STK24: variants seen among roughly 807,000 people sequenced by gnomAD.
STK24 encodes serine/threonine-protein kinase 24.
In STK24, 21 loss-of-function variants were observed where a neutral mutation model predicts 55.6. The observed-to-expected ratio is 0.38, with a 90% CI of 0.27 to 0.54. The LOEUF is 0.54. STK24 is among the 20% of genes least tolerant of loss of function. STK24 has a pLI of 0.79. For synonymous variants in STK24, 200 were observed against 215.2 expected (o/e 0.93, Z 0.62); for missense variants, 383 against 538.4 (o/e 0.71, Z 2.86).
chr13:98,453,164 A>T lies in STK24; in HGVS notation c.*9T>A. 1 of 1,613,808 alleles carries T rather than the reference A, an allele frequency of 6.2e-7. No homozygotes were observed. On this transcript the variant is annotated 3_prime_UTR_variant, in exon 11 of 11. Coordinates refer to ENST00000539966, the MANE Select transcript of STK24 (RefSeq NM_001032296.4). Reference sequence around the variant, plus strand: ...AAGGAAAAACAAAACCCCAAATGCCAAAGGAATTTCAGTGGGATGAAGTTC... The same window carrying T: ...AAGGAAAAACAAAACCCCAAATGCCTAAGGAATTTCAGTGGGATGAAGTTC...
chr13:98,525,374 G>C (rs1337062549), intron 1 of STK24, among the ~76,000 whole-genome samples: 2 of 152,200 alleles, frequency 1.3e-5, no homozygotes, highest in Non-Finnish European at 2.9e-5. Context: ...CAAGGCAGGA[G>C]AATCAGGACG....
rs2139203910 is a variant in STK24 at position 98,449,700 on chromosome 13, CA to C, written c.*3472del. On this transcript the variant is annotated 3_prime_UTR_variant, in exon 11 of 11. Transcript: ENST00000539966. ...CTTACAAGATGTACCAGACGGTTTC[CA>C]GTACTAACAAAGGGAATAAAAATAC... The C allele has an allele frequency of 6.6e-6, 1 of 152,072 alleles. No individual in the cohort carries two copies. Among genetic ancestry groups the C allele is most frequent in the South Asian group, 2.1e-4 (1 of 4,810 alleles). The allele number at this position is 152,072 out of a possible 1,614,324, so 9.4% of individuals were successfully genotyped here. A position where few individuals can be genotyped will look rare whatever the true frequency, so the allele number is the denominator to read the frequency against.
At chr13:98,492,070 CGTGCGCGT>C (rs974159138) in intron 2 of STK24, among the ~76,000 whole-genome samples, 3 of 76,726 alleles carry the variant, frequency 3.9e-5, no homozygotes, top group African/African-American at 5.2e-5. Flanking sequence ...CTTTAAAGTG[CGTGCGCGT>C]GTGTGTGTGT....
chr13:98,472,290 C>T (rs1381615180), intron 5 of STK24, among the ~76,000 whole-genome samples: 1 of 152,216 alleles, frequency 6.6e-6, no homozygotes, highest in Non-Finnish European at 1.5e-5. Context: ...CCTGGAAAGT[C>T]AATTTCACAT....
At chr13:98,522,106 A>G in intron 1 of STK24, 1 of 1,315,222 alleles carries the variant, frequency 7.6e-7, no homozygotes, top group Non-Finnish European at 9.7e-7. Context: ...TCCGGTCACC[A>G]GTGCTGCAAT....
chr13:98,520,785 C>T (rs997628172), intron 1 of STK24, among the ~76,000 whole-genome samples: 3 of 152,246 alleles, frequency 2.0e-5, no homozygotes, highest in African/African-American at 7.2e-5. Context: ...GTTTGCAGGC[C>T]TTACAGTGCT....
Position 98,446,915 on chromosome 13 carries a change from C to T in STK24, c.*6258G>A. The T allele has an allele frequency of 2.3e-6, 3 of 1,303,470 alleles. No homozygotes were observed. Among genetic ancestry groups the T allele is most frequent in the South Asian group, 2.6e-5 (2 of 77,092 alleles). The allele number at this position is 1,303,470 out of a possible 1,614,324, so 80.7% of individuals were successfully genotyped here. Reference sequence around the variant, plus strand: ...AAGTCAGCGAGTGAGATGGCCCCACCCTTCCCTGCCAACTAAGCGTTTAGA... The same window carrying T: ...AAGTCAGCGAGTGAGATGGCCCCACTCTTCCCTGCCAACTAAGCGTTTAGA... On this transcript the variant is annotated 3_prime_UTR_variant, in exon 11 of 11. Transcript: ENST00000539966.
At chr13:98,537,477 C>T (rs1896767104) in intron 1 of STK24, among the ~76,000 whole-genome samples, 1 of 152,194 alleles carries the variant, frequency 6.6e-6, no homozygotes, top group Admixed American at 6.5e-5. Flanking sequence ...GCTGAGGCCC[C>T]AGCCGCCAGC....
chr13:98,542,218 A>G (rs1896907977), intron 1 of STK24, among the ~76,000 whole-genome samples: 1 of 150,884 alleles, frequency 6.6e-6, no homozygotes, highest in Admixed American at 6.6e-5. Flanking sequence ...GCTGACTGAT[A>G]TGTCAGCCAT....
intron 1 of STK24, among the ~76,000 whole-genome samples, chr13:98,560,499 C>T (rs1897390018): frequency 6.6e-6 from 1 of 152,120 alleles, no homozygotes; most frequent in African/African-American, 2.4e-5. Context: ...AATCAACAGG[C>T]TGAAAAGAAA....
intron 1 of STK24, among the ~76,000 whole-genome samples, chr13:98,538,026 T>C (rs779687272): frequency 3.3e-5 from 5 of 152,028 alleles, no homozygotes; most frequent in Admixed American, 6.5e-5. Flanking sequence ...TAGATGTCAC[T>C]TGTAGCTTCC....
At chr13:98,529,335 GGCCCTCCCTCCCCCACA>G (rs1896518338) in intron 1 of STK24, among the ~76,000 whole-genome samples, 1 of 151,958 alleles carries the variant, frequency 6.6e-6, no homozygotes, top group African/African-American at 2.4e-5. Flanking sequence ...GTCACTGCCT[GGCCCTCCCTCCCCCACA>G]GCAGCAGCCT....
Position 98,451,579 on chromosome 13 carries a change from G to A in STK24, c.*1594C>T, listed in dbSNP as rs1385191469. On this transcript the variant is annotated 3_prime_UTR_variant, in exon 11 of 11. Coordinates refer to ENST00000539966, the MANE Select transcript of STK24 (RefSeq NM_001032296.4). ...TCAAGCATCTGTAGCTCAGGGCTCT[G>A]TCCCCTCCCTATAGCTTAGAGGCCA... 6.6e-6 allele frequency: 1 copy of A among 152,096 alleles called. No individual in the cohort carries two copies. Among genetic ancestry groups the A allele is most frequent in the Non-Finnish European group, 1.5e-5 (1 of 68,034 alleles). The allele number at this position is 152,096 out of a possible 1,614,324, so 9.4% of individuals were successfully genotyped here.
Position 98,449,206 on chromosome 13 carries a change from G to A in STK24, c.*3967C>T, listed in dbSNP as rs1893060532. 1 of 152,206 alleles carries A rather than the reference G, an allele frequency of 6.6e-6. No individual in the cohort carries two copies. Among genetic ancestry groups the A allele is most frequent in the Non-Finnish European group, 1.5e-5 (1 of 68,058 alleles). The allele number at this position is 152,206 out of a possible 1,614,324, so 9.4% of individuals were successfully genotyped here. A position where few individuals can be genotyped will look rare whatever the true frequency, so the allele number is the denominator to read the frequency against. On this transcript the variant is annotated 3_prime_UTR_variant, in exon 11 of 11. Coordinates refer to ENST00000539966, the MANE Select transcript of STK24 (RefSeq NM_001032296.4). ...GTTTAGTGAGCCTGCTGGCTGCAGA[G>A]CACTATGAAATCATGGTACGTAGTC...
In STK24 at chr13:98,504,031, C is replaced by A. The variant is rs185855336; in HGVS notation, c.273+15212G>T. ...GGAGATGTGAAGTCTATGGAGAAGACAGAAAGATCACATTTGGGTTAAAAT... is the reference window on the plus strand; with the variant it reads ...GGAGATGTGAAGTCTATGGAGAAGAAAGAAAGATCACATTTGGGTTAAAAT... On this transcript the variant is annotated intron_variant, in intron 2 of 10. Coordinates refer to ENST00000539966, the MANE Select transcript of STK24 (RefSeq NM_001032296.4). Among the ~76,000 whole-genome samples, 35 of 152,320 alleles carry A rather than the reference C, an allele frequency of 2.3e-4. 2 individuals are homozygous for A. The highest frequency in any genetic ancestry group is 7.7e-4 in the African/African-American group (32 of 41,590).
In STK24 at chr13:98,449,916, C is replaced by G. The variant is rs575462453; in HGVS notation, c.*3257G>C. 1 of 152,356 alleles carries G rather than the reference C, an allele frequency of 6.6e-6. No individual in the cohort carries two copies. Among genetic ancestry groups the G allele is most frequent in the African/African-American group, 2.4e-5 (1 of 41,440 alleles). The allele number at this position is 152,356 out of a possible 1,614,324, so 9.4% of individuals were successfully genotyped here. A position where few individuals can be genotyped will look rare whatever the true frequency, so the allele number is the denominator to read the frequency against. On this transcript the variant is annotated 3_prime_UTR_variant, in exon 11 of 11. Transcript: ENST00000539966. ...TCCCTATGCTCCCCCCACCTCCAGG[C>G]AGGGGCAGAGCAAACAAACAGCTCC...
intron 2 of STK24, among the ~76,000 whole-genome samples, chr13:98,516,616 G>C (rs929797367): frequency 2.0e-5 from 3 of 152,162 alleles, no homozygotes; most frequent in Non-Finnish European, 4.4e-5. Flanking sequence ...CCAGGCCTGG[G>C]CACATAAAAA....
At chr13:98,482,006 G>A (rs1278924308) in intron 3 of STK24, among the ~76,000 whole-genome samples, 1 of 151,456 alleles carries the variant, frequency 6.6e-6, no homozygotes, top group Non-Finnish European at 1.5e-5. Context: ...AGTAGAGGTA[G>A]CAGTGAGCTG....
intron 2 of STK24, among the ~76,000 whole-genome samples, chr13:98,507,463 ATCAC>A (rs1240543902): frequency 2.0e-5 from 3 of 152,194 alleles, no homozygotes. Context: ...AGAAAAGGAA[ATCAC>A]TCAGCTTCTC....
Sources: gnomAD v4.1 joint callset for allele counts (sites outside exome capture counted in the v4.1 genomes callset) on GRCh38, gnomAD v4.1.1 for gene constraint, MANE v1.5 for transcripts, NCBI Gene and HGNC (gene_info 2026-07-23, HGNC 2026-07-21) for gene names.